Variants in ZNF77 observed in about 807,000 individuals in gnomAD.
The protein encoded by ZNF77 is ZNFpT1.
Under a neutral mutation model 13.5 loss-of-function variants are expected in ZNF77, and 15 were observed. The observed-to-expected ratio is 1.11, with a 90% CI of 0.74 to 1.71. The LOEUF (loss-of-function observed/expected upper bound fraction) is 1.71, where lower values mean the gene tolerates loss of function less well. ZNF77 is among the 40% of genes most tolerant of loss of function. ZNF77 has a pLI of 0.00. For synonymous variants in ZNF77, 282 were observed against 250.0 expected (o/e 1.13, Z -1.21); for missense variants, 717 against 676.4 (o/e 1.06, Z -0.67).
intron 1 of ZNF77, among the ~76,000 whole-genome samples, chr19:2,940,757 T>G (rs975255637): frequency 6.6e-6 from 1 of 151,902 alleles, no homozygotes; most frequent in African/African-American, 2.4e-5. Context: ...TCATTTCAAA[T>G]TGGATGCCAA....
chr19:2,938,567 G>T (rs983768048), intron 2 of ZNF77, among the ~76,000 whole-genome samples: 1 of 152,180 alleles, frequency 6.6e-6, no homozygotes. Context: ...TGTTTTCATG[G>T]AGAAGCATTT....
intron 2 of ZNF77, among the ~76,000 whole-genome samples, chr19:2,937,675 G>C (rs988316309): frequency 2.0e-5 from 3 of 152,092 alleles, no homozygotes; most frequent in African/African-American, 7.2e-5. Context: ...ACAGTGCAGG[G>C]GGGTGCAGGA....
chr19:2,939,604 G>A (rs554235373), intron 1 of ZNF77, 197 bp from the exon 2 acceptor site: 22 of 645,916 alleles, frequency 3.4e-5, no homozygotes, highest in African/African-American at 2.0e-4. Context: ...GCGCAATGAC[G>A]GCCTCTGCCA....
At position 2,933,431 on chromosome 19, in the gene ZNF77, A is replaced by C; in HGVS notation, c.*58T>G. 1 of 1,497,326 alleles carries C rather than the reference A, an allele frequency of 6.7e-7. No homozygotes were observed. Among genetic ancestry groups the C allele is most frequent in the East Asian group, 2.3e-5 (1 of 43,552 alleles). 92.8% of individuals were successfully genotyped at this position (1,497,326 alleles called of 1,614,324 possible). A position where few individuals can be genotyped will look rare whatever the true frequency, so the allele number is the denominator to read the frequency against. ...ATGCTCTACATAAATAACGTTTCTC[A>C]CATTTACAACAAGGTTTTACGGTTG... On this transcript the variant is annotated 3_prime_UTR_variant, in exon 4 of 4. Coordinates refer to ENST00000314531, the MANE Select transcript of ZNF77 (RefSeq NM_021217.3).
rs2088380668 is a variant in ZNF77, at chr19:2,934,724, A to G, written c.403T>C (p.Tyr135His). The change falls in exon 4 of 4, where the codon TAC becomes CAC. Residue 135 changes from tyrosine (Y) to histidine (H), a missense_variant. Physicochemically the swap from Tyr to His is moderately conservative, Grantham distance 83. Coordinates refer to ENST00000314531, the MANE Select transcript of ZNF77 (RefSeq NM_021217.3). Reference protein sequence around the residue: ...QTANLLVHKSYPTEAKPSECT... With the variant: ...QTANLLVHKSHPTEAKPSECT... ...TCAGAGGGTTTAGCTTCGGTAGGGT[A>G]ACTCTTGTGCACAAGAAGGTTCGCA... 1.2e-6 allele frequency: 2 copies of G among 1,614,162 alleles called. No individual in the cohort carries two copies. The highest frequency in any genetic ancestry group is 2.2e-5 in the East Asian group (1 of 44,882).
chr19:2,938,772 C>A lies in ZNF77; in HGVS notation c.130+509G>T, dbSNP rs141276373. Among the ~76,000 whole-genome samples the A allele has an allele frequency of 5.9e-5, 9 of 152,078 alleles. No individual in the cohort carries two copies. In the East Asian group the frequency reaches 1.6e-3, roughly 26 times the overall value. On this transcript the variant is annotated intron_variant, in intron 2 of 3. Transcript: ENST00000314531. ...GAGATCGAGACCATCCTGGCTAACA[C>A]GGTGAAACCCCATCTCTACTAAAGC...
chr19:2,933,766 T>C lies in ZNF77; in HGVS notation c.1361A>G (p.His454Arg). ...AFSCHSSLRE[H>R]VRTHSGEKPY... is the part of the protein sequence containing the mutation. The stretch of plus-strand genomic sequence containing the variant: ...TTTCTCTCCGCTGTGGGTTCGCACA[T>C]GCTCTCGAAGGGAGGAGTGACAGCT... Residue 454 changes from histidine (H) to arginine (R), a missense_variant, in exon 4 of 4, where the codon CAT (histidine) becomes CGT (arginine). Transcript: ENST00000314531. 6.2e-7 allele frequency: 1 copy of C among 1,613,208 alleles called. No homozygotes were observed. Among genetic ancestry groups the C allele is most frequent in the South Asian group, 1.1e-5 (1 of 91,050 alleles).
In ZNF77 at chr19:2,939,406, T is replaced by A. The variant is rs1437401458; in HGVS notation, c.5A>T (p.Asp2Val). MDCVIFEEVAVN... is the reference protein window; with the variant it reads MVCVIFEEVAVN... ...AGCCACTTCCTCAAAGATCACGCAGTCCTAAAACATTCCACACATCCCACT... is the reference window on the plus strand; with the variant it reads ...AGCCACTTCCTCAAAGATCACGCAGACCTAAAACATTCCACACATCCCACT... Residue 2 changes from aspartate (D) to valine (V), a missense_variant and splice_region_variant, in exon 2 of 4, where the codon GAC (aspartate) becomes GTC (valine). Asp to Val is a radical substitution (Grantham distance 152). Transcript: ENST00000314531. The A allele has an allele frequency of 1.2e-6, 2 of 1,613,748 alleles. No homozygotes were observed. The highest frequency in any genetic ancestry group is 4.5e-5 in the East Asian group (2 of 44,886).
At position 2,936,598 on chromosome 19, in the gene ZNF77, G is replaced by A. The variant is rs1208022156; in HGVS notation, c.237C>T (p.Ser79=). The A allele has an allele frequency of 5.0e-6, 8 of 1,610,688 alleles. No homozygotes were observed. In the African/African-American group the frequency reaches 8.0e-5, roughly 16 times the overall value. The change falls in exon 3 of 4, where the codon TCC becomes TCT. Residue 79 remains serine, a synonymous_variant. Transcript: ENST00000314531. ...EEIVKFTGSD[S]WSIFGENWRF... is the part of the protein sequence containing the mutation. ...TCCAATTTTCTCCAAAAATAGACCAGGAATCACTTCCTGTGAACTTTACAA... is the reference window on the plus strand; with the variant it reads ...TCCAATTTTCTCCAAAAATAGACCAAGAATCACTTCCTGTGAACTTTACAA...
At chr19:2,944,515 C>T (rs1379055942) in intron 1 of ZNF77, among the ~76,000 whole-genome samples, 1 of 151,528 alleles carries the variant, frequency 6.6e-6, no homozygotes, top group Non-Finnish European at 1.5e-5. Flanking sequence ...CAAACTGCCC[C>T]TGTGCCCCTT....
chr19:2,943,692 A>ATTTTTTTTT (rs10633206), intron 1 of ZNF77, among the ~76,000 whole-genome samples: 50 of 76,706 alleles, frequency 6.5e-4, no homozygotes, highest in Non-Finnish European at 8.2e-4. Flanking sequence ...TCTAGCCAGG[A>ATTTTTTTTT]TTTTTTTTTT....
chr19:2,935,899 C>G (rs1278552850), intron 3 of ZNF77, among the ~76,000 whole-genome samples: 1 of 151,756 alleles, frequency 6.6e-6, no homozygotes, highest in Admixed American at 6.6e-5. Flanking sequence ...GCCTATAGTC[C>G]CAGCTACTTG....
intron 2 of ZNF77, among the ~76,000 whole-genome samples, chr19:2,938,914 C>G (rs1342848061): frequency 6.6e-6 from 1 of 151,770 alleles, no homozygotes; most frequent in African/African-American, 2.4e-5. Flanking sequence ...CGAGATCGTG[C>G]CACTGCACTC....
rs534257885 is a variant in ZNF77 at position 2,942,147 on chromosome 19, C to T, written c.3+2691G>A. Among the ~76,000 whole-genome samples the T allele has an allele frequency of 4.6e-5, 7 of 151,370 alleles. No homozygotes were observed. In the East Asian group the frequency reaches 5.8e-4, roughly 13 times the overall value. On this transcript the variant is annotated intron_variant, in intron 1 of 3. Coordinates refer to ENST00000314531, the MANE Select transcript of ZNF77 (RefSeq NM_021217.3). ...AGTGCAGTGAAACAATCTCAGCTCG[C>T]TGCAACCTCCGCCTCCCCGGTTCAA... is the stretch of plus-strand genomic sequence containing the variant.
At chr19:2,938,449 C>A (rs1358378964) in intron 2 of ZNF77, among the ~76,000 whole-genome samples, 1 of 152,196 alleles carries the variant, frequency 6.6e-6, no homozygotes, top group Non-Finnish European at 1.5e-5. Flanking sequence ...CACAAAGCTG[C>A]TTTTGTTGCC....
At position 2,944,922 on chromosome 19, in the gene ZNF77, G is replaced by C. The variant is rs1409145418; in HGVS notation, c.-82C>G. The stretch of plus-strand genomic sequence containing the variant: ...CAGGTGAGCACGACAGGACACCTGA[G>C]CCGCTCGGGGTAGGCGGGGAAGCGC... On this transcript the variant is annotated 5_prime_UTR_variant, in exon 1 of 4. Transcript: ENST00000314531. 1 of 1,472,450 alleles carries C rather than the reference G, an allele frequency of 6.8e-7. No homozygotes were observed. Among genetic ancestry groups the C allele is most frequent in the Non-Finnish European group, 9.0e-7 (1 of 1,115,680 alleles). 91.2% of individuals were successfully genotyped at this position (1,472,450 alleles called of 1,614,324 possible). A position where few individuals can be genotyped will look rare whatever the true frequency, so the allele number is the denominator to read the frequency against.
chr19:2,935,650 G>A (rs973112622), intron 3 of ZNF77, among the ~76,000 whole-genome samples: 5 of 152,068 alleles, frequency 3.3e-5, no homozygotes, highest in Non-Finnish European at 5.9e-5. Context: ...TCTTATAGAT[G>A]AAGTTTCCTG....
chr19:2,941,174 CA>C (rs142541120), intron 1 of ZNF77, among the ~76,000 whole-genome samples: 1,377 of 61,558 alleles, frequency 0.022, 21 homozygotes, highest in African/African-American at 0.074. Flanking sequence ...CGCCCTACCT[CA>C]AAAAAAAAAA....
Position 2,936,516 on chromosome 19 carries a change from C to A in ZNF77, c.311+8G>T. On this transcript the variant is annotated splice_region_variant and intron_variant, in intron 3 of 3. Transcript: ENST00000314531. ...AGAGGCCCATCCCTCCGGTTGAGCG[C>A]CACTCACCTCAGATGCCTCTGTGGG... 1 of 1,581,078 alleles carries A rather than the reference C, an allele frequency of 6.3e-7. No individual in the cohort carries two copies.
Sources: gnomAD v4.1 joint callset for allele counts (sites outside exome capture counted in the v4.1 genomes callset) on GRCh38, gnomAD v4.1.1 for gene constraint, MANE v1.5 for transcripts, NCBI Gene and HGNC (gene_info 2026-07-23, HGNC 2026-07-21) for gene names.